PIWIL1: variants seen among roughly 807,000 people sequenced by gnomAD.
The protein encoded by PIWIL1 is piwi like RNA-mediated gene silencing 1.
PIWIL1 carries 73 observed loss-of-function variants against 114.4 expected under a neutral mutation model. That is an observed-to-expected ratio of 0.64 (90% CI 0.53 to 0.78). PIWIL1 has a LOEUF of 0.78. PIWIL1 is among the 30% of genes least tolerant of loss of function. The pLI, the probability that PIWIL1 is intolerant of heterozygous loss-of-function variation, is 0.00. For synonymous variants in PIWIL1, 375 were observed against 369.0 expected (o/e 1.02, Z -0.19); for missense variants, 723 against 1,063.1 (o/e 0.68, Z 4.45).
chr12:130,416,880 C>G, the PIWIL1 span, among the ~76,000 whole-genome samples: 1 of 151,604 alleles, frequency 6.6e-6, no homozygotes, highest in African/African-American at 2.4e-5. Flanking sequence ...AAAAATGACT[C>G]CATTAAAAAG....
the PIWIL1 span, among the ~76,000 whole-genome samples, chr12:130,418,922 G>A: frequency 6.6e-5 from 10 of 152,172 alleles, no homozygotes; most frequent in East Asian, 3.9e-4. Context: ...GTCCCCCAAC[G>A]AAGGCTCCTT....
At chr12:130,407,935 C>T in the PIWIL1 span, 16 of 983,176 alleles carry the variant, frequency 1.6e-5, no homozygotes, top group African/African-American at 1.7e-4. Flanking sequence ...CGAGACCTGG[C>T]ACTGCTAACA....
chr12:130,356,739 C>A (rs1297655433), intron 12 of PIWIL1, among the ~76,000 whole-genome samples, 179 bp from the exon 13 acceptor site: 1 of 152,152 alleles, frequency 6.6e-6, no homozygotes, highest in Non-Finnish European at 1.5e-5. Flanking sequence ...TTGCCATCAT[C>A]CTTTGGATAT....
intron 19 of PIWIL1, among the ~76,000 whole-genome samples, chr12:130,369,614 G>A (rs936196199): frequency 5.3e-5 from 8 of 152,102 alleles, no homozygotes; most frequent in African/African-American, 1.9e-4. Context: ...ATTTCATTGT[G>A]GTTTTGATTT....
Position 130,367,215 on chromosome 12 carries a change from C to T in PIWIL1, c.2278C>T (p.Leu760Phe), listed in dbSNP as rs141199371. 21 of 1,614,154 alleles carry T rather than the reference C, an allele frequency of 1.3e-5. No individual in the cohort carries two copies. The highest frequency in any genetic ancestry group is 1.8e-5 in the Non-Finnish European group (21 of 1,180,000). The change falls in exon 19 of 21, where the codon CTT (leucine) becomes TTT (phenylalanine). Residue 760 changes from leucine (L) to phenylalanine (F), a missense_variant. By Grantham distance (22) the Leu-to-Phe change is conservative. Transcript: ENST00000245255. ...GTCTGGAGGAAGACTTCAGAATCCA[C>T]TTCCTGGAACAGTTATTGATGTAGA... ...AQSGGRLQNP[L>F]PGTVIDVEVT...
In PIWIL1 at chr12:130,338,009, C is replaced by G. The variant is rs973723409; in HGVS notation, c.-150C>G. The G allele has an allele frequency of 1.2e-5, 2 of 173,048 alleles. No homozygotes were observed. The highest frequency in any genetic ancestry group is 2.4e-5 in the Non-Finnish European group (2 of 81,988). The allele number at this position is 173,048 out of a possible 1,614,324, so 10.7% of individuals were successfully genotyped here. A position where few individuals can be genotyped will look rare whatever the true frequency, so the allele number is the denominator to read the frequency against. ...CCCTGGCTCTCTCGGGAACCCAGCG[C>G]CGAAGGCGAGGTGGGCGCGGGCCGA... On this transcript the variant is annotated 5_prime_UTR_variant, in exon 1 of 21. Transcript: ENST00000245255.
the PIWIL1 span, among the ~76,000 whole-genome samples, chr12:130,384,136 T>C: frequency 2.0e-5 from 3 of 152,240 alleles, no homozygotes; most frequent in Non-Finnish European, 2.9e-5. Context: ...TTGGTGAACG[T>C]TATTAGACTT....
In PIWIL1 at chr12:130,371,789, A is replaced by G. The variant is rs749751826; in HGVS notation, c.*191A>G. On this transcript the variant is annotated 3_prime_UTR_variant, in exon 21 of 21. Transcript: ENST00000245255. ...TTTTATACGTAAAAATTAAGATTTT[A>G]TATTTTATCTTCTTGTTTCTCATAG... 39 of 369,484 alleles carry G rather than the reference A, an allele frequency of 1.1e-4. No homozygotes were observed. The highest frequency in any genetic ancestry group is 2.4e-4 in the South Asian group (4 of 16,788). 22.9% of individuals were successfully genotyped at this position (369,484 alleles called of 1,614,324 possible). A position where few individuals can be genotyped will look rare whatever the true frequency, so the allele number is the denominator to read the frequency against.
intron 1 of PIWIL1, among the ~76,000 whole-genome samples, chr12:130,340,646 T>TGGGGGGGGGGGGGGGG (rs143005039): frequency 2.7e-5 from 2 of 72,804 alleles, no homozygotes; most frequent in African/African-American, 6.0e-5. Context: ...GGAGGGGGGG[T>TGGGGGGGGGGGGGGGG]GGGGGGAGGG....
chr12:130,388,884 GT>G, the PIWIL1 span, among the ~76,000 whole-genome samples: 1 of 152,026 alleles, frequency 6.6e-6, no homozygotes, highest in Non-Finnish European at 1.5e-5. Flanking sequence ...TGATAATTCT[GT>G]TTTCTTCTTT....
At chr12:130,403,106 T>C in the PIWIL1 span, among the ~76,000 whole-genome samples, 1 of 152,148 alleles carries the variant, frequency 6.6e-6, no homozygotes, top group Non-Finnish European at 1.5e-5. Context: ...TTAGGACCGG[T>C]GGAGTATTTG....
At chr12:130,341,009 C>A (rs1409253661) in intron 1 of PIWIL1, among the ~76,000 whole-genome samples, 2 of 152,118 alleles carry the variant, frequency 1.3e-5, no homozygotes, top group African/African-American at 4.8e-5. Context: ...TTAGATTTAT[C>A]TTTCTGTGAA....
the PIWIL1 span, among the ~76,000 whole-genome samples, chr12:130,382,472 G>A: frequency 2.6e-5 from 4 of 152,354 alleles, no homozygotes; most frequent in Non-Finnish European, 2.9e-5. Flanking sequence ...CTGGGCCGCC[G>A]TGGTCTGAGC....
chr12:130,413,815 A>G, the PIWIL1 span, among the ~76,000 whole-genome samples: 1 of 151,674 alleles, frequency 6.6e-6, no homozygotes, highest in Non-Finnish European at 1.5e-5. Flanking sequence ...CTGCTGACTG[A>G]CAAGTGTTGT....
chr12:130,356,537 T>C (rs561279246), intron 12 of PIWIL1, among the ~76,000 whole-genome samples: 1 of 152,332 alleles, frequency 6.6e-6, no homozygotes, highest in South Asian at 2.1e-4. Flanking sequence ...GCTTGCGGCA[T>C]ATAACACCTC....
At chr12:130,361,675 C>A in intron 16 of PIWIL1, 74 bp downstream of exon 16, 1 of 1,145,696 alleles carries the variant, frequency 8.7e-7, no homozygotes, top group Non-Finnish European at 1.3e-6. Flanking sequence ...GAGTAGTGTT[C>A]ATTCTTCGTT....
intron 4 of PIWIL1, 44 bp downstream of exon 4, chr12:130,345,922 A>G: frequency 6.2e-7 from 1 of 1,602,138 alleles, no homozygotes; most frequent in Non-Finnish European, 8.5e-7. Context: ...CATCTCAGGA[A>G]CACAGGACAG....
At chr12:130,389,497 TAATC>T in the PIWIL1 span, among the ~76,000 whole-genome samples, 1 of 152,160 alleles carries the variant, frequency 6.6e-6, no homozygotes, top group African/African-American at 2.4e-5. Flanking sequence ...AATTTTTTAT[TAATC>T]AGTGTCATTA....
the PIWIL1 span, chr12:130,406,336 G>T: frequency 1.3e-6 from 1 of 789,554 alleles, no homozygotes; most frequent in Non-Finnish European, 2.1e-6. Flanking sequence ...CTTACTATTT[G>T]AGAATTTCTG....
Sources: gnomAD v4.1 joint callset for allele counts (sites outside exome capture counted in the v4.1 genomes callset) on GRCh38, gnomAD v4.1.1 for gene constraint, MANE v1.5 for transcripts, NCBI Gene and HGNC (gene_info 2026-07-23, HGNC 2026-07-21) for gene names.